Variants in RTCB observed in about 807,000 individuals in gnomAD.
The protein encoded by RTCB is RNA-splicing ligase RTCB.
In RTCB, 32 loss-of-function variants were observed where a neutral mutation model predicts 58.2. The observed-to-expected ratio is 0.55, with a 90% confidence interval of 0.41 to 0.74. RTCB has a LOEUF of 0.74. Among genes scored for constraint, RTCB ranks in the 30% least tolerant of loss-of-function variants. The pLI, the probability that RTCB is intolerant of heterozygous loss-of-function variation, is 0.00. For missense variants in RTCB, 523 were observed against 639.0 expected (o/e 0.82, Z 1.96); for synonymous variants, 247 against 218.6 (o/e 1.13, Z -1.15).
At chr22:32,396,046 CG>C (rs780246665) in intron 8 of RTCB, 27 bp downstream of exon 8, 1 of 1,608,690 alleles carries the variant, frequency 6.2e-7, no homozygotes, top group South Asian at 1.1e-5. Flanking sequence ...ATGAATGACT[CG>C]GAACAGAAGA....
Position 32,404,042 on chromosome 22 carries a change from T to C in RTCB, c.341-2139A>G, listed in dbSNP as rs183572734. 2.6e-5 allele frequency among the ~76,000 whole-genome samples: 4 copies of C among 152,366 alleles called. No homozygotes were observed. The East Asian group carries it at 7.7e-4, about 29-fold the overall frequency. On this transcript the variant is annotated intron_variant, in intron 4 of 11. Transcript: ENST00000216038. Reference sequence around the variant, plus strand: ...TTCCCTTCAATTTTAAAAGATTGATTTCTTTCTTTATTAAGGTTGAATAAT... The same window carrying C: ...TTCCCTTCAATTTTAAAAGATTGATCTCTTTCTTTATTAAGGTTGAATAAT...
At chr22:32,389,217 C>T (rs1321815186) in intron 11 of RTCB, among the ~76,000 whole-genome samples, 1 of 152,146 alleles carries the variant, frequency 6.6e-6, no homozygotes, top group African/African-American at 2.4e-5. Flanking sequence ...GATGAAATTC[C>T]ACTGGGCCAA....
rs761354873 is a variant in RTCB, at chr22:32,412,084, C to T, written c.73G>A (p.Gly25Ser). 1 of 1,608,444 alleles carries T rather than the reference C, an allele frequency of 6.2e-7. No individual in the cohort carries two copies. Among genetic ancestry groups the T allele is most frequent in the Admixed American group, 1.7e-5 (1 of 59,420 alleles). ...INKNCWRIKK[G>S]FVPNMQVEGV... The stretch of plus-strand genomic sequence containing the variant: ...CTTACCTGCATGTTGGGCACGAAGC[C>T]CTTCTTGATCCTCCAGCAGTTTTTA... Residue 25 changes from glycine to serine, a missense_variant, in exon 1 of 12, where the codon GGC (glycine) becomes AGC (serine). Around this residue, in one of 3 missense-constraint regions of RTCB, gnomAD observed 134 missense variants for 129.9 expected, o/e 1.03. Coordinates refer to ENST00000216038, the MANE Select transcript of RTCB (RefSeq NM_014306.5).
rs1301971148 is a variant in RTCB, at chr22:32,406,705, C to T, written c.297G>A (p.Met99Ile). 1.4e-5 allele frequency: 22 copies of T among 1,612,820 alleles called. No individual in the cohort carries two copies. Among genetic ancestry groups the T allele is most frequent in the Non-Finnish European group, 1.8e-5 (21 of 1,179,132 alleles). ...HSGYGFAIGN[M>I]AAFDMNDPEA... Reference sequence around the variant, plus strand: ...CAGGGTCATTCATATCAAAGGCTGCCATGTTCCCAATAGCAAACCCATATC... The same window carrying T: ...CAGGGTCATTCATATCAAAGGCTGCTATGTTCCCAATAGCAAACCCATATC... The change falls in exon 4 of 12, where the codon ATG becomes ATA. Residue 99 changes from methionine (M) to isoleucine (I), a missense_variant. Met to Ile is a conservative substitution (Grantham distance 10). Transcript: ENST00000216038.
intron 4 of RTCB, among the ~76,000 whole-genome samples, chr22:32,404,587 G>A (rs1443866312): frequency 6.6e-6 from 1 of 152,086 alleles, no homozygotes; most frequent in East Asian, 1.9e-4. Flanking sequence ...AAAACTTTTT[G>A]TAGAGATGGG....
In RTCB at chr22:32,394,534, A is replaced by C. The variant is rs185995253; in HGVS notation, c.1179+492T>G. Among the ~76,000 whole-genome samples, 259 of 152,354 alleles carry C rather than the reference A, an allele frequency of 1.7e-3. 2 individuals carry two copies. The highest frequency in any genetic ancestry group is 0.01 in the Middle Eastern group (3 of 294). On this transcript the variant is annotated intron_variant, in intron 9 of 11. Transcript: ENST00000216038. ...AAAATCTGAGGACCAGTAAAAATGC[A>C]GAAGAGTCAAAATAAGAGCAAAGCA...
At chr22:32,405,481 T>TAC (rs1933404319) in intron 4 of RTCB, among the ~76,000 whole-genome samples, 1 of 152,086 alleles carries the variant, frequency 6.6e-6, no homozygotes, top group South Asian at 2.1e-4. Flanking sequence ...CAAGTGCACA[T>TAC]ACACACACAC....
At chr22:32,399,109 C>T (rs1281901346) in intron 6 of RTCB, among the ~76,000 whole-genome samples, 2 of 151,994 alleles carry the variant, frequency 1.3e-5, no homozygotes, top group Admixed American at 6.6e-5. Flanking sequence ...TTCTATTTTT[C>T]TCCCATTCAC....
chr22:32,406,608 AC>A, intron 4 of RTCB, 53 bp downstream of exon 4: 1 of 1,273,338 alleles, frequency 7.9e-7, no homozygotes, highest in East Asian at 2.4e-5. Flanking sequence ...GACGTGAGCC[AC>A]CGTGCCCGGC....
chr22:32,399,536 T>A (rs146048475), intron 6 of RTCB, 67 bp downstream of exon 6: 7 of 1,440,178 alleles, frequency 4.9e-6, no homozygotes, highest in African/African-American at 1.4e-5. Context: ...AGATATAGAT[T>A]TTTTTCCCCC....
At position 32,395,150 on chromosome 22, in the gene RTCB, G is replaced by A; in HGVS notation, c.1055C>T (p.Ser352Phe). The change falls in exon 9 of 12, where the codon TCT becomes TTT. Residue 352 changes from serine (S) to phenylalanine (F), a missense_variant. Ser to Phe is a radical substitution (Grantham distance 155, BLOSUM62 -2). This residue lies in a region of RTCB where 248 missense variants were observed against 292.5 expected (regional missense o/e 0.85). Transcript: ENST00000216038. ...DLDLHVIYDV[S>F]HNIAKVEQHV... The stretch of plus-strand genomic sequence containing the variant: ...CTGCTCCACTTTGGCAATGTTGTGA[G>A]AAACATCATAGATCACATGTAGGTC... 2.5e-6 allele frequency: 4 copies of A among 1,614,204 alleles called. No homozygotes were observed. Among genetic ancestry groups the A allele is most frequent in the Non-Finnish European group, 3.4e-6 (4 of 1,180,038 alleles).
At chr22:32,404,717 C>T (rs1933392094) in intron 4 of RTCB, among the ~76,000 whole-genome samples, 2 of 151,982 alleles carry the variant, frequency 1.3e-5, no homozygotes, top group African/African-American at 4.8e-5. Context: ...CTCACTCTGT[C>T]GCCCATGCTG....
rs534829999 is a variant in RTCB at position 32,395,102 on chromosome 22, C to T, written c.1103G>A (p.Arg368Gln). The T allele has an allele frequency of 2.0e-5, 33 of 1,614,118 alleles. No homozygotes were observed. The highest frequency in any genetic ancestry group is 1.3e-4 in the South Asian group (12 of 91,084). ...VEQHVVDGKE[R>Q]TLLVHRKGST... ...TCCCTTCCTGTGTACTAACAGTGTC[C>T]GTTCCTTTCCGTCCACCACATGCTG... Residue 368 changes from arginine to glutamine, a missense_variant, in exon 9 of 12, where the codon CGG (arginine) becomes CAG (glutamine). Arg to Gln is a conservative substitution (Grantham distance 43). Around this residue, in one of 3 missense-constraint regions of RTCB, gnomAD observed 248 missense variants for 292.5 expected, o/e 0.85. Coordinates refer to ENST00000216038, the MANE Select transcript of RTCB (RefSeq NM_014306.5).
chr22:32,394,112 T>TAC, intron 9 of RTCB, 110 bp from the exon 10 acceptor site: 1 of 649,420 alleles, frequency 1.5e-6, no homozygotes, highest in Non-Finnish European at 2.6e-6. Context: ...AAACCCAGAC[T>TAC]TCTTTTTTTT....
chr22:32,401,509 C>T (rs754810568), intron 5 of RTCB: 40 of 414,916 alleles, frequency 9.6e-5, no homozygotes, highest in Non-Finnish European at 1.3e-4. Flanking sequence ...GCTCAATAAA[C>T]GTTGGTGGAT....
chr22:32,392,623 A>G lies in RTCB; in HGVS notation c.1291-264T>C, dbSNP rs978798170. ...CGCCTCTAAGACCCACTAAATGCCA[A>G]TAGCAACTCCCACTAAACCATGACA... On this transcript the variant is annotated intron_variant, in intron 10 of 11. Transcript: ENST00000216038. 2.7e-5 allele frequency: 15 copies of G among 561,460 alleles called. No individual in the cohort carries two copies. The Admixed American group carries it at 4.1e-4, about 15-fold the overall frequency. The allele number at this position is 561,460 out of a possible 1,614,324, so 34.8% of individuals were successfully genotyped here.
chr22:32,389,002 C>T (rs540785193), intron 11 of RTCB, among the ~76,000 whole-genome samples: 8 of 152,188 alleles, frequency 5.3e-5, no homozygotes, highest in African/African-American at 9.7e-5. Flanking sequence ...TTCCCCAAAT[C>T]AGGTCATGCC....
rs773197974 is a variant in RTCB at position 32,398,014 on chromosome 22, G to A, written c.741C>T (p.Gly247=). The part of the protein sequence containing the change: ...IFNEYAAKKM[G]IDHKGQVCVM... Reference sequence around the variant, plus strand: ...CACACACCTGTCCCTTATGGTCGATGCCCATTTTTTTAGCAGCATACTCAT... The same window carrying A: ...CACACACCTGTCCCTTATGGTCGATACCCATTTTTTTAGCAGCATACTCAT... The change falls in exon 7 of 12, where the codon GGC becomes GGT. Residue 247 remains glycine, a synonymous_variant. Coordinates refer to ENST00000216038, the MANE Select transcript of RTCB (RefSeq NM_014306.5). 6.2e-7 allele frequency: 1 copy of A among 1,614,072 alleles called. No individual in the cohort carries two copies. Among genetic ancestry groups the A allele is most frequent in the South Asian group, 1.1e-5 (1 of 91,070 alleles).
intron 1 of RTCB, among the ~76,000 whole-genome samples, chr22:32,409,966 C>T (rs978445459): frequency 5.3e-5 from 8 of 152,016 alleles, no homozygotes; most frequent in African/African-American, 1.4e-4. Context: ...TACAGGTGCC[C>T]GCCACCACGC....
Sources: gnomAD v4.1 joint callset for allele counts (sites outside exome capture counted in the v4.1 genomes callset) on GRCh38, gnomAD v4.1.1 for gene constraint, gnomAD v4.1.1 regional missense constraint, MANE v1.5 for transcripts, NCBI Gene and HGNC (gene_info 2026-07-23, HGNC 2026-07-21) for gene names.